AGBL4: variants seen among roughly 807,000 people sequenced by gnomAD.
The protein encoded by AGBL4 is cytosolic carboxypeptidase 6.
AGBL4 carries 58 observed loss-of-function variants against 66.4 expected under a neutral mutation model. The observed-to-expected ratio is 0.87, with a 90% CI of 0.71 to 1.09. The LOEUF (loss-of-function observed/expected upper bound fraction) is 1.09. Ranked by LOEUF, AGBL4 falls within the 50% of genes least tolerant of loss-of-function variation. The pLI, the probability that AGBL4 is intolerant of heterozygous loss-of-function variation, is 0.00. For missense variants in AGBL4, 579 were observed against 631.0 expected, an observed-to-expected ratio of 0.92 and a Z score of 0.88; for synonymous variants, 234 against 222.9, an observed-to-expected ratio of 1.05 and a Z score of -0.44.
chr1:49,787,318 C>T (rs1344472786), intron 2 of AGBL4, among the ~76,000 whole-genome samples: 3 of 151,988 alleles, frequency 2.0e-5, no homozygotes, highest in African/African-American at 4.8e-5. Context: ...CTGGCTAACA[C>T]GGTAAAACCC....
chr1:49,998,315 T>G (rs1032558451), intron 1 of AGBL4, among the ~76,000 whole-genome samples: 3 of 151,972 alleles, frequency 2.0e-5, no homozygotes, highest in African/African-American at 7.2e-5. Flanking sequence ...CACTTTTATG[T>G]GTACAAATTA....
At chr1:48,727,782 A>G in intron 6 of AGBL4, 1 of 1,139,824 alleles carries the variant, frequency 8.8e-7, no homozygotes, top group Non-Finnish European at 1.3e-6. Context: ...GGATCCCTGC[A>G]CACACACCAC....
At chr1:49,599,286 T>C (rs972857282) in intron 3 of AGBL4, among the ~76,000 whole-genome samples, 1 of 152,178 alleles carries the variant, frequency 6.6e-6, no homozygotes, top group African/African-American at 2.4e-5. Flanking sequence ...TCAGAACTTG[T>C]TATTGGTCTA....
rs1255526525 is a variant in AGBL4 at position 49,325,277 on chromosome 1, G to T, written c.283-79413C>A. On this transcript the variant is annotated intron_variant, in intron 3 of 13. Transcript: ENST00000371839. ...CCTGACCTCGTGATCCACCTTCCTTGGCCTATGTTTTTCTTTTTTAATGAA... is the reference window on the plus strand; with the variant it reads ...CCTGACCTCGTGATCCACCTTCCTTTGCCTATGTTTTTCTTTTTTAATGAA... 1.6e-4 allele frequency among the ~76,000 whole-genome samples: 25 copies of T among 152,082 alleles called. 1 individual carries two copies. The highest frequency in any genetic ancestry group is 4.4e-5 in the Non-Finnish European group (3 of 68,014).
chr1:48,787,691 T>G (rs1645441395), intron 6 of AGBL4, among the ~76,000 whole-genome samples: 1 of 152,180 alleles, frequency 6.6e-6, no homozygotes, highest in Non-Finnish European at 1.5e-5. Flanking sequence ...ATCTTTATTA[T>G]CAGGCACACC....
At chr1:48,715,648 C>G (rs10888616) in intron 6 of AGBL4, among the ~76,000 whole-genome samples, 126,362 of 152,070 alleles carry the variant, frequency 0.83, 55,475 homozygotes, top group East Asian at 0.97. Context: ...CACTCCTCTA[C>G]TCAAGAGTAA....
chr1:50,020,930 TA>T (rs1330121711), intron 1 of AGBL4, among the ~76,000 whole-genome samples: 1 of 152,202 alleles, frequency 6.6e-6, no homozygotes, highest in Non-Finnish European at 1.5e-5. Flanking sequence ...ACACCTAATC[TA>T]AAACCAGTCA....
At chr1:49,583,308 T>C (rs1644582062) in intron 3 of AGBL4, among the ~76,000 whole-genome samples, 1 of 152,188 alleles carries the variant, frequency 6.6e-6, no homozygotes, top group Non-Finnish European at 1.5e-5. Flanking sequence ...ACACAGAAGC[T>C]TTTGTGCTCA....
At chr1:49,928,877 G>A (rs1267889733) in intron 1 of AGBL4, among the ~76,000 whole-genome samples, 4 of 151,560 alleles carry the variant, frequency 2.6e-5, no homozygotes, top group South Asian at 2.1e-4. Flanking sequence ...TATGTTCATC[G>A]CAGCACTATT....
At position 49,846,173 on chromosome 1, in the gene AGBL4, G is replaced by A. The variant is rs561057841; in HGVS notation, c.157+5223C>T. The A allele has an allele frequency of 1.8e-5, 26 of 1,457,002 alleles. No homozygotes were observed. The African/African-American group carries it at 2.4e-4, about 13-fold the overall frequency. 90.3% of individuals were successfully genotyped at this position (1,457,002 alleles called of 1,614,324 possible). On this transcript the variant is annotated intron_variant, in intron 2 of 13. Coordinates refer to ENST00000371839, the MANE Select transcript of AGBL4 (RefSeq NM_032785.4). ...AAAGCCCTATGGGTTCAATAAGTGT[G>A]GGAAATCCTTCAACCACAGCTCCTC...
chr1:48,566,667 T>C (rs1557791407), intron 11 of AGBL4, among the ~76,000 whole-genome samples: 1 of 152,252 alleles, frequency 6.6e-6, no homozygotes, highest in Non-Finnish European at 1.5e-5. Flanking sequence ...GAGATTGTCC[T>C]CCATAATGTG....
At chr1:49,552,455 C>A (rs1466297924) in intron 3 of AGBL4, among the ~76,000 whole-genome samples, 1 of 152,184 alleles carries the variant, frequency 6.6e-6, no homozygotes. Flanking sequence ...TGCTTGGGGA[C>A]CCAGCGAGCT....
chr1:49,435,237 C>T (rs1645878107), intron 3 of AGBL4, among the ~76,000 whole-genome samples: 2 of 152,138 alleles, frequency 1.3e-5, no homozygotes, highest in African/African-American at 4.8e-5. Context: ...CAAATCAGTG[C>T]TTAGAATTTT....
In AGBL4 at chr1:49,164,565, T is replaced by C. The variant is rs147024148; in HGVS notation, c.377+81205A>G. Among the ~76,000 whole-genome samples, 4 of 152,210 alleles carry C rather than the reference T, an allele frequency of 2.6e-5. No individual in the cohort carries two copies. In the East Asian group the frequency reaches 7.7e-4, roughly 29 times the overall value. On this transcript the variant is annotated intron_variant, in intron 4 of 13. Transcript: ENST00000371839. Reference sequence around the variant, plus strand: ...GATCCCAAAGGTTCAGAGCTCTAGTTCTTGTGAGCTGCTTTGCAATCTTAC... The same window carrying C: ...GATCCCAAAGGTTCAGAGCTCTAGTCCTTGTGAGCTGCTTTGCAATCTTAC...
At chr1:49,721,172 T>C (rs1327611134) in intron 2 of AGBL4, among the ~76,000 whole-genome samples, 2 of 151,838 alleles carry the variant, frequency 1.3e-5, no homozygotes, top group Non-Finnish European at 2.9e-5. Context: ...GCAGGGAGGA[T>C]TGAAAAAAAG....
rs145539862 is a variant in AGBL4 at position 49,029,019 on chromosome 1, T to G, written c.594+16565A>C. ...TTTGATACAATCCAACACCCTTTCA[T>G]GATAAAAATACTCAACAAACTAGAA... is the stretch of plus-strand genomic sequence containing the variant. On this transcript the variant is annotated intron_variant, in intron 5 of 13. Transcript: ENST00000371839. Among the ~76,000 whole-genome samples, 8 of 152,258 alleles carry G rather than the reference T, an allele frequency of 5.3e-5. No individual in the cohort carries two copies. In the East Asian group the frequency reaches 1.5e-3, roughly 29 times the overall value.
At chr1:48,531,009 C>T (rs1321658883), downstream of AGBL4, among the ~76,000 whole-genome samples, 1 of 152,144 alleles carries the variant, frequency 6.6e-6, no homozygotes, top group Non-Finnish European at 1.5e-5. Context: ...AACCTTTCCC[C>T]TCTAGCTTGA....
At chr1:49,967,408 C>G (rs1657655332) in intron 1 of AGBL4, among the ~76,000 whole-genome samples, 1 of 151,904 alleles carries the variant, frequency 6.6e-6, no homozygotes, top group African/African-American at 2.4e-5. Context: ...CAAACTATCA[C>G]AAGAACAGAA....
At position 49,867,541 on chromosome 1, in the gene AGBL4, C is replaced by A. The variant is rs1353324845; in HGVS notation, c.35-16023G>T. On this transcript the variant is annotated intron_variant, in intron 1 of 13. Coordinates refer to ENST00000371839, the MANE Select transcript of AGBL4 (RefSeq NM_032785.4). Reference sequence around the variant, plus strand: ...TGTGTAATGTTCCCCTTCCTGTGTCCAAGTGTTCTTATTGTTCAATTCCCA... The same window carrying A: ...TGTGTAATGTTCCCCTTCCTGTGTCAAAGTGTTCTTATTGTTCAATTCCCA... 2.1e-5 allele frequency among the ~76,000 whole-genome samples: 3 copies of A among 142,152 alleles called. No individual in the cohort carries two copies. The East Asian group carries it at 6.3e-4, about 30-fold the overall frequency. 93.3% of individuals were successfully genotyped at this position (142,152 alleles called of 152,430 possible). A position where few individuals can be genotyped will look rare whatever the true frequency, so the allele number is the denominator to read the frequency against.
Sources: allele counts gnomAD v4.1 joint callset (sites outside exome capture counted in the v4.1 genomes callset), GRCh38; gene constraint gnomAD v4.1.1; transcripts MANE v1.5; gene names NCBI Gene and HGNC (gene_info 2026-07-23, HGNC 2026-07-21).